The following PDYN variants were observed in gnomAD, a reference collection of about 807,000 sequenced individuals.
PDYN encodes prodynorphin, also known as proenkephalin-B.
In PDYN, 5 loss-of-function variants were observed where a neutral mutation model predicts 11.4. The ratio of observed to expected loss-of-function variants is 0.44; its 90% CI spans 0.23 to 0.92. The LOEUF is 0.92. Among genes scored for constraint, PDYN ranks in the 40% least tolerant of loss-of-function variants. PDYN has a pLI of 0.24. For missense variants in PDYN, 337 were observed against 317.3 expected, an observed-to-expected ratio of 1.06 and a Z score of -0.47; for synonymous variants, 132 against 129.5, an observed-to-expected ratio of 1.02 and a Z score of -0.13.
intron 2 of PDYN, among the ~76,000 whole-genome samples, chr20:1,988,595 G>T (rs1988298126): frequency 6.6e-6 from 1 of 152,188 alleles, no homozygotes. Flanking sequence ...TAAGCGGGAG[G>T]CATGATGTCA....
At chr20:1,988,113 T>C (rs1291741760) in intron 2 of PDYN, among the ~76,000 whole-genome samples, 1 of 152,226 alleles carries the variant, frequency 6.6e-6, no homozygotes, top group Non-Finnish European at 1.5e-5. Context: ...AGGAGCCTAC[T>C]GGGTGCCAGG....
At chr20:1,985,332 C>T (rs1568541969) in intron 2 of PDYN, among the ~76,000 whole-genome samples, 1 of 152,104 alleles carries the variant, frequency 6.6e-6, no homozygotes, top group Admixed American at 6.5e-5. Flanking sequence ...CAATTCATCA[C>T]CTCATTTATT....
At chr20:1,993,052 CTTTTT>C (rs57340342) in intron 1 of PDYN, among the ~76,000 whole-genome samples, 8 of 115,420 alleles carry the variant, frequency 6.9e-5, no homozygotes, top group African/African-American at 1.0e-4. Context: ...AGTCAGCAGG[CTTTTT>C]TTTTTTTTTT....
rs1235528688 is a variant in PDYN at position 1,979,139 on chromosome 20, A to G, written c.*1184T>C. ...CTCTGATTCAGGGTTATTTGAATCA[A>G]GGGAACTCATTTGGCCTCAAGCACT... is the stretch of plus-strand genomic sequence containing the variant. On this transcript the variant is annotated 3_prime_UTR_variant, in exon 4 of 4. Coordinates refer to ENST00000217305, the MANE Select transcript of PDYN (RefSeq NM_024411.5). 1 of 152,234 alleles carries G rather than the reference A, an allele frequency of 6.6e-6. No individual in the cohort carries two copies. Among genetic ancestry groups the G allele is most frequent in the African/African-American group, 2.4e-5 (1 of 41,464 alleles). The allele number at this position is 152,234 out of a possible 1,614,324, so 9.4% of individuals were successfully genotyped here.
At position 1,985,994 on chromosome 20, in the gene PDYN, C is replaced by A. The variant is rs114780284; in HGVS notation, c.-19-2891G>T. On this transcript the variant is annotated intron_variant, in intron 2 of 3. Coordinates refer to ENST00000217305, the MANE Select transcript of PDYN (RefSeq NM_024411.5). ...CTTAGCTGCAAAGGTAGGGGACTCA[C>A]GTTAAGATCTCTTTATCTCAGGCAA... Among the ~76,000 whole-genome samples the A allele has an allele frequency of 5.9e-5, 9 of 152,308 alleles. No homozygotes were observed. The South Asian group carries it at 1.2e-3, about 21-fold the overall frequency.
chr20:1,985,861 A>G (rs891379258), intron 2 of PDYN, among the ~76,000 whole-genome samples: 12 of 152,136 alleles, frequency 7.9e-5, no homozygotes, highest in Non-Finnish European at 1.6e-4. Flanking sequence ...TTTCTCTGAT[A>G]TCAGTGATGG....
At chr20:1,983,496 C>T (rs1851377019) in intron 2 of PDYN, among the ~76,000 whole-genome samples, 1 of 152,218 alleles carries the variant, frequency 6.6e-6, no homozygotes, top group Non-Finnish European at 1.5e-5. Flanking sequence ...ACTTTGGCCA[C>T]CCGCCAAGCC....
intron 3 of PDYN, among the ~76,000 whole-genome samples, chr20:1,981,501 G>A (rs1249046279): frequency 6.6e-6 from 1 of 152,150 alleles, no homozygotes; most frequent in Non-Finnish European, 1.5e-5. Flanking sequence ...CAATAGCAAA[G>A]AATATGGAAC....
chr20:1,992,913 T>A (rs1988513525), intron 1 of PDYN, among the ~76,000 whole-genome samples: 1 of 152,170 alleles, frequency 6.6e-6, no homozygotes, highest in African/African-American at 2.4e-5. Flanking sequence ...TCAGATCCAA[T>A]AATCGAAAGA....
rs10485703 is a variant in PDYN at position 1,979,667 on chromosome 20, A to G, written c.*656T>C. 0.12 allele frequency: 18,467 copies of G among 157,242 alleles called. 1,196 individuals carry two copies. Among genetic ancestry groups the G allele is most frequent in the Middle Eastern group, 0.17 (50 of 294 alleles). The allele number at this position is 157,242 out of a possible 1,614,324, so 9.7% of individuals were successfully genotyped here. On this transcript the variant is annotated 3_prime_UTR_variant, in exon 4 of 4. Transcript: ENST00000217305. ...TTTCTGAACAATGAGGACTCAGAGT[A>G]CACTGACTAAACATTAAACCCACTA... is the stretch of plus-strand genomic sequence containing the variant.
At position 1,980,304 on chromosome 20, in the gene PDYN, A is replaced by C. The variant is rs748410798; in HGVS notation, c.*19T>G. On this transcript the variant is annotated 3_prime_UTR_variant, in exon 4 of 4. Transcript: ENST00000217305. Reference sequence around the variant, plus strand: ...GGTGTCAGGGGTTTCTCCTGACTCTACTCCATGAAAAGAGGTGCTTATGCA... The same window carrying C: ...GGTGTCAGGGGTTTCTCCTGACTCTCCTCCATGAAAAGAGGTGCTTATGCA... The C allele has an allele frequency of 3.7e-6, 6 of 1,613,636 alleles. No individual in the cohort carries two copies. In the South Asian group the frequency reaches 5.5e-5, roughly 15 times the overall value.
chr20:1,987,389 A>C (rs1988236869), intron 2 of PDYN, among the ~76,000 whole-genome samples: 1 of 152,238 alleles, frequency 6.6e-6, no homozygotes, highest in Non-Finnish European at 1.5e-5. Context: ...ACATTTAAAA[A>C]AATCTCAATT....
chr20:1,980,705 T>C lies in PDYN; in HGVS notation c.383A>G (p.Glu128Gly). ...CCCGTCAGAGAGACCCCTGAGCTTC[T>C]CCTCCAGGCTCTTGCTCAGAGTGTT... Reference protein sequence around the residue: ...KENTLSKSLEEKLRGLSDGFR... With the variant: ...KENTLSKSLEGKLRGLSDGFR... The change falls in exon 4 of 4, where the codon GAG becomes GGG. Residue 128 changes from glutamate to glycine, a missense_variant. Physicochemically the swap from Glu to Gly is moderately conservative, Grantham distance 98 (BLOSUM62 -2). Transcript: ENST00000217305. 3.1e-6 allele frequency: 5 copies of C among 1,614,196 alleles called. No homozygotes were observed. Among genetic ancestry groups the C allele is most frequent in the Non-Finnish European group, 4.2e-6 (5 of 1,180,034 alleles).
intron 2 of PDYN, among the ~76,000 whole-genome samples, chr20:1,987,384 T>TA (rs1988236734): frequency 6.6e-6 from 1 of 152,152 alleles, no homozygotes; most frequent in African/African-American, 2.4e-5. Context: ...TTTTTACATT[T>TA]AAAAAAATCT....
At chr20:1,981,189 C>T (rs545002720) in intron 3 of PDYN, among the ~76,000 whole-genome samples, 3 of 152,324 alleles carry the variant, frequency 2.0e-5, no homozygotes, top group African/African-American at 7.2e-5. Context: ...GGACACATGG[C>T]TGCAGGTGGC....
At chr20:1,991,099 G>C (rs929410282) in intron 2 of PDYN, among the ~76,000 whole-genome samples, 3 of 152,146 alleles carry the variant, frequency 2.0e-5, no homozygotes, top group Admixed American at 1.3e-4. Context: ...AGTAGATTTT[G>C]ATTCAGGATG....
chr20:1,981,994 T>C (rs899656800), intron 3 of PDYN, among the ~76,000 whole-genome samples: 2 of 151,444 alleles, frequency 1.3e-5, no homozygotes, highest in East Asian at 1.9e-4. Flanking sequence ...TGATAGCCCA[T>C]GCCTGTAATC....
chr20:1,984,777 T>C (rs1026412606), intron 2 of PDYN, among the ~76,000 whole-genome samples: 1 of 152,012 alleles, frequency 6.6e-6, no homozygotes, highest in East Asian at 1.9e-4. Context: ...CATGTACCTG[T>C]AGCCCCATCT....
intron 2 of PDYN, among the ~76,000 whole-genome samples, chr20:1,983,971 G>C (rs757062345): frequency 3.3e-5 from 5 of 152,014 alleles, no homozygotes; most frequent in Non-Finnish European, 5.9e-5. Context: ...CTCCTATTCT[G>C]TTACCTGTCA....
Sources: allele counts gnomAD v4.1 joint callset (sites outside exome capture counted in the v4.1 genomes callset), GRCh38; gene constraint gnomAD v4.1.1; transcripts MANE v1.5; gene names NCBI Gene and HGNC (gene_info 2026-07-23, HGNC 2026-07-21).